COL24A1: variants seen among roughly 807,000 people sequenced by gnomAD.
COL24A1 encodes collagen alpha-1(XXIV) chain.
COL24A1 carries 224 observed loss-of-function variants against 253.9 expected under a neutral mutation model. The observed-to-expected ratio is 0.88, with a 90% CI of 0.79 to 0.99. The LOEUF (loss-of-function observed/expected upper bound fraction) is 0.99. COL24A1 is among the 50% of genes least tolerant of loss of function. COL24A1 has a pLI of 0.00. For missense variants in COL24A1, 2,131 were observed against 2,068.5 expected (o/e 1.03, Z -0.59); for synonymous variants, 685 against 673.7 (o/e 1.02, Z -0.26).
chr1:85,834,250 A>G (rs1279153739), intron 43 of COL24A1, among the ~76,000 whole-genome samples: 1 of 152,062 alleles, frequency 6.6e-6, no homozygotes, highest in Admixed American at 6.6e-5. Flanking sequence ...GAGTAGGGGT[A>G]TGGGGAAGAA....
intron 24 of COL24A1, among the ~76,000 whole-genome samples, chr1:85,948,552 C>G (rs1396902059): frequency 7.3e-6 from 1 of 137,648 alleles, no homozygotes; most frequent in African/African-American, 2.7e-5. Context: ...AAAAAAGAAA[C>G]CATTAACTCT....
intron 3 of COL24A1, 28 bp downstream of exon 3, chr1:86,124,817 A>G (rs772272164): frequency 6.7e-7 from 1 of 1,482,974 alleles, no homozygotes; most frequent in Admixed American, 2.3e-5. Context: ...TTAGCATATT[A>G]GGAGATATTA....
chr1:85,866,957 T>C (rs755845044), intron 37 of COL24A1, among the ~76,000 whole-genome samples: 5 of 152,178 alleles, frequency 3.3e-5, no homozygotes, highest in Non-Finnish European at 4.4e-5. Flanking sequence ...AATAATCTTA[T>C]ACTTCTGGTT....
At chr1:86,147,001 A>G (rs577096147) in intron 1 of COL24A1, among the ~76,000 whole-genome samples, 2 of 152,276 alleles carry the variant, frequency 1.3e-5, no homozygotes, top group South Asian at 4.1e-4. Context: ...GCTGAAAACA[A>G]TACTTCATTA....
chr1:86,127,728 T>C (rs1648535444), intron 2 of COL24A1, among the ~76,000 whole-genome samples: 1 of 152,048 alleles, frequency 6.6e-6, no homozygotes, highest in South Asian at 2.1e-4. Context: ...ATCACCTTAC[T>C]TTTTCCTTTT....
intron 7 of COL24A1, among the ~76,000 whole-genome samples, chr1:86,065,790 G>A (rs942559758): frequency 6.6e-6 from 1 of 150,840 alleles, no homozygotes; most frequent in African/African-American, 2.4e-5. Context: ...AGACAAGCTG[G>A]GCCAATAAAA....
intron 6 of COL24A1, among the ~76,000 whole-genome samples, 186 bp downstream of exon 6, chr1:86,092,081 A>G (rs376340316): frequency 3.3e-5 from 5 of 152,104 alleles, no homozygotes; most frequent in East Asian, 3.8e-4. Context: ...ACTTAAATCA[A>G]TAAGTGAAAC....
chr1:85,766,326 G>C (rs1001074375), intron 53 of COL24A1, among the ~76,000 whole-genome samples: 4 of 124,400 alleles, frequency 3.2e-5, no homozygotes, highest in African/African-American at 1.3e-4. Flanking sequence ...CTGAGATCTT[G>C]CCACTGCACT....
chr1:86,099,133 T>C (rs1459798057), intron 5 of COL24A1, among the ~76,000 whole-genome samples: 2 of 151,918 alleles, frequency 1.3e-5, no homozygotes, highest in African/African-American at 4.8e-5. Context: ...TGGAACTAAA[T>C]TAGAAAAATA....
intron 24 of COL24A1, among the ~76,000 whole-genome samples, chr1:85,933,691 G>A (rs533470604): frequency 6.6e-6 from 1 of 152,234 alleles, no homozygotes; most frequent in African/African-American, 2.4e-5. Flanking sequence ...ATGCAAGTGA[G>A]AATCAAGGGC....
chr1:85,933,082 TATA>T (rs1687917116), intron 24 of COL24A1, among the ~76,000 whole-genome samples: 2 of 68,178 alleles, frequency 2.9e-5, no homozygotes, highest in South Asian at 9.1e-4. Flanking sequence ...AAACTTAGAG[TATA>T]ATAAAAAAAA....
chr1:85,813,590 G>A (rs1244731377), intron 47 of COL24A1, among the ~76,000 whole-genome samples: 1 of 114,196 alleles, frequency 8.8e-6, no homozygotes, highest in African/African-American at 3.5e-5. Flanking sequence ...TCGCTCTGTC[G>A]CCCAGGCTGG....
chr1:85,827,239 C>G (rs313755), intron 43 of COL24A1, among the ~76,000 whole-genome samples: 1 of 151,254 alleles, frequency 6.6e-6, no homozygotes, highest in African/African-American at 2.4e-5. Flanking sequence ...TATTGAATTG[C>G]GTATATTGAA....
intron 24 of COL24A1, among the ~76,000 whole-genome samples, chr1:85,953,253 TC>T (rs1379091720): frequency 6.6e-6 from 1 of 152,156 alleles, no homozygotes; most frequent in Non-Finnish European, 1.5e-5. Flanking sequence ...ATGCCACCCC[TC>T]GACCCCTTCT....
chr1:85,956,634 G>A (rs187701122), intron 24 of COL24A1, among the ~76,000 whole-genome samples: 11 of 152,310 alleles, frequency 7.2e-5, no homozygotes, highest in Admixed American at 5.9e-4. Context: ...AAATCTTCAC[G>A]TGGGGCAGAA....
intron 2 of COL24A1, among the ~76,000 whole-genome samples, chr1:86,134,925 A>G (rs1557772905): frequency 6.6e-6 from 1 of 151,300 alleles, no homozygotes; most frequent in Non-Finnish European, 1.5e-5. Context: ...TGTCTCGTGG[A>G]TCTGTCTAAT....
At chr1:86,017,600 T>G (rs1424821010) in intron 18 of COL24A1, among the ~76,000 whole-genome samples, 1 of 152,194 alleles carries the variant, frequency 6.6e-6, no homozygotes, top group African/African-American at 2.4e-5. Context: ...CCTCTCTCCT[T>G]TGATACTGTA....
At chr1:85,742,846 G>C (rs548329400) in intron 57 of COL24A1, among the ~76,000 whole-genome samples, 1 of 152,008 alleles carries the variant, frequency 6.6e-6, no homozygotes, top group Non-Finnish European at 1.5e-5. Flanking sequence ...TCAGACCTTG[G>C]TGATGACCTT....
intron 43 of COL24A1, among the ~76,000 whole-genome samples, chr1:85,828,046 C>T (rs1674630899): frequency 6.6e-6 from 1 of 152,032 alleles, no homozygotes; most frequent in Non-Finnish European, 1.5e-5. Context: ...CCTGGTTTCT[C>T]TTCTGGGCAT....
Sources: gnomAD v4.1 joint callset for allele counts (sites outside exome capture counted in the v4.1 genomes callset) on GRCh38, gnomAD v4.1.1 for gene constraint, MANE v1.5 for transcripts, NCBI Gene and HGNC (gene_info 2026-07-23, HGNC 2026-07-21) for gene names.